CEP70: variants seen among roughly 807,000 people sequenced by gnomAD.
CEP70 encodes the protein centrosomal protein 70.
A neutral mutation model predicts 90.9 loss-of-function variants in CEP70; 70 were observed. The observed-to-expected ratio is 0.77, with a 90% CI of 0.64 to 0.94. CEP70 has a LOEUF of 0.94. CEP70 is among the 40% of genes least tolerant of loss of function. The pLI is 0.00. For synonymous variants in CEP70, 220 were observed against 228.3 expected (o/e 0.96, Z 0.33); for missense variants, 648 against 669.0 (o/e 0.97, Z 0.35).
rs2037599692 is a variant in CEP70 at position 138,529,364 on chromosome 3, A to G, written c.780+11T>C. The G allele has an allele frequency of 1.3e-6, 2 of 1,586,126 alleles. No individual in the cohort carries two copies. The highest frequency in any genetic ancestry group is 4.5e-5 in the East Asian group (2 of 44,734). On this transcript the variant is annotated intron_variant, in intron 9 of 17. Transcript: ENST00000264982. The stretch of plus-strand genomic sequence containing the variant: ...ATTAAAAAGTATTTATTAGTTATGC[A>G]GTCCCCATACCATTAAAAGGCCTTT...
intron 11 of CEP70, among the ~76,000 whole-genome samples, chr3:138,519,053 G>A (rs949836694): frequency 6.6e-6 from 1 of 152,274 alleles, no homozygotes; most frequent in East Asian, 1.9e-4. Flanking sequence ...CTCAGTAGCC[G>A]ATTCGATCAA....
At chr3:138,577,762 T>C (rs778129626) in intron 2 of CEP70, among the ~76,000 whole-genome samples, 2 of 152,026 alleles carry the variant, frequency 1.3e-5, no homozygotes, top group East Asian at 1.9e-4. Context: ...TAAATCCATA[T>C]CAGTAATTAC....
chr3:138,574,632 T>G (rs1408725936), intron 2 of CEP70, among the ~76,000 whole-genome samples: 1 of 152,194 alleles, frequency 6.6e-6, no homozygotes, highest in Non-Finnish European at 1.5e-5. Flanking sequence ...ACGGACAGAC[T>G]GCCTACTCAA....
At chr3:138,567,549 A>G (rs2040875742) in intron 6 of CEP70, among the ~76,000 whole-genome samples, 1 of 152,116 alleles carries the variant, frequency 6.6e-6, no homozygotes. Context: ...TCCAGTGACA[A>G]CCCTGGATCC....
intron 6 of CEP70, among the ~76,000 whole-genome samples, chr3:138,562,280 T>G (rs2040465431): frequency 6.6e-6 from 1 of 152,152 alleles, no homozygotes; most frequent in South Asian, 2.1e-4. Flanking sequence ...GAAAACACTC[T>G]TTAGGATACT....
chr3:138,520,080 CAAAG>C (rs1176395264), intron 11 of CEP70, among the ~76,000 whole-genome samples: 6 of 152,084 alleles, frequency 3.9e-5, no homozygotes, highest in African/African-American at 1.2e-4. Context: ...TCAAAAGAGA[CAAAG>C]AAGGCCATTA....
rs7626645 is a variant in CEP70, at chr3:138,546,259, C to T, written c.466-8912G>A. On this transcript the variant is annotated intron_variant, in intron 6 of 17. Transcript: ENST00000264982. ...AGAACCTACGTTGAAATACTGGGGG[C>T]GGGTTCCCCCAGCAGAAAATATGTA... Among the ~76,000 whole-genome samples the T allele has an allele frequency of 5.7e-3, 865 of 152,170 alleles. 7 individuals carry two copies. The highest frequency in any genetic ancestry group is 0.02 in the African/African-American group (828 of 41,526).
At chr3:138,574,538 G>A (rs564016723) in intron 2 of CEP70, among the ~76,000 whole-genome samples, 4 of 152,250 alleles carry the variant, frequency 2.6e-5, no homozygotes, top group South Asian at 2.1e-4. Context: ...AAAGGCAGCA[G>A]AAACTTCTGC....
chr3:138,544,240 A>C (rs1287083404), intron 6 of CEP70, among the ~76,000 whole-genome samples: 1 of 152,116 alleles, frequency 6.6e-6, no homozygotes, highest in Non-Finnish European at 1.5e-5. Flanking sequence ...AAAAGCAAAA[A>C]ATTAAAACAA....
Position 138,591,777 on chromosome 3 carries a change from A to T in CEP70, c.-6+77T>A, listed in dbSNP as rs904225897. 2.7e-6 allele frequency: 3 copies of T among 1,109,694 alleles called. No homozygotes were observed. The African/African-American group carries it at 4.7e-5, about 17-fold the overall frequency. 68.7% of individuals were successfully genotyped at this position (1,109,694 alleles called of 1,614,324 possible). ...AAAAGGAAATATATGTAATGAACCTAGTATAGTACTCAATAAATATTAGAT... is the reference window on the plus strand; with the variant it reads ...AAAAGGAAATATATGTAATGAACCTTGTATAGTACTCAATAAATATTAGAT... On this transcript the variant is annotated intron_variant, in intron 2 of 17. Transcript: ENST00000264982.
chr3:138,568,497 ACCTTTACAG>A (rs1183865721), intron 6 of CEP70, among the ~76,000 whole-genome samples: 1 of 152,150 alleles, frequency 6.6e-6, no homozygotes, highest in Non-Finnish European at 1.5e-5. Context: ...CTGGCACAGC[ACCTTTACAG>A]CTTCTGATGG....
At chr3:138,544,589 G>A (rs904110956) in intron 6 of CEP70, among the ~76,000 whole-genome samples, 4 of 151,870 alleles carry the variant, frequency 2.6e-5, no homozygotes, top group African/African-American at 9.7e-5. Context: ...TAAACATATT[G>A]AAGAGGTATC....
chr3:138,581,831 C>T (rs1377838844), intron 2 of CEP70, among the ~76,000 whole-genome samples: 1 of 151,782 alleles, frequency 6.6e-6, no homozygotes, highest in Non-Finnish European at 1.5e-5. Flanking sequence ...GAAAACTAAG[C>T]CGATTTAACC....
intron 6 of CEP70, among the ~76,000 whole-genome samples, chr3:138,545,804 G>C (rs1359570041): frequency 6.6e-6 from 1 of 152,074 alleles, no homozygotes; most frequent in African/African-American, 2.4e-5. Context: ...ATACACCCTG[G>C]TCTCCTGCAG....
At chr3:138,557,638 A>G (rs1268579692) in intron 6 of CEP70, among the ~76,000 whole-genome samples, 1 of 152,158 alleles carries the variant, frequency 6.6e-6, no homozygotes, top group Non-Finnish European at 1.5e-5. Context: ...GAATGATACA[A>G]TGGACTTTGG....
chr3:138,518,359 G>T (rs546448336), intron 11 of CEP70, among the ~76,000 whole-genome samples: 1 of 152,220 alleles, frequency 6.6e-6, no homozygotes, highest in Non-Finnish European at 1.5e-5. Context: ...CGCAGCTGGA[G>T]ATCTGAGAAC....
rs138711559 is a variant in CEP70, at chr3:138,570,406, A to T, written c.377T>A (p.Ile126Asn). 3.1e-6 allele frequency: 5 copies of T among 1,609,136 alleles called. No homozygotes were observed. The South Asian group carries it at 3.3e-5, about 11-fold the overall frequency. Reference sequence around the variant, plus strand: ...TAGTGATTCATCCTCCAATTCACCAATTTTGGATTTCACACTTTCCATAAT... The same window carrying T: ...TAGTGATTCATCCTCCAATTCACCATTTTTGGATTTCACACTTTCCATAAT... Reference protein sequence around the residue: ...EQIMESVKSKIGELEDESLSR... With the variant: ...EQIMESVKSKNGELEDESLSR... Residue 126 changes from isoleucine (I) to asparagine (N), a missense_variant, in exon 6 of 18, where the codon ATT becomes AAT. By Grantham distance (149) the Ile-to-Asn change is moderately radical. Transcript: ENST00000264982.
intron 2 of CEP70, 21 bp downstream of exon 2, chr3:138,591,830 AGTC>A (rs1361365369): frequency 6.5e-7 from 1 of 1,529,612 alleles, no homozygotes; most frequent in Non-Finnish European, 8.8e-7. Flanking sequence ...CAACATCTGG[AGTC>A]ATCCGTTACA....
intron 17 of CEP70, chr3:138,497,310 T>C (rs2034034932): frequency 8.0e-7 from 1 of 1,257,376 alleles, no homozygotes; most frequent in South Asian, 1.3e-5. Context: ...TCTCCTCTTC[T>C]AAAAGCAAAG....
Sources: allele counts gnomAD v4.1 joint callset (sites outside exome capture counted in the v4.1 genomes callset), GRCh38; gene constraint gnomAD v4.1.1; transcripts MANE v1.5; gene names NCBI Gene and HGNC (gene_info 2026-07-23, HGNC 2026-07-21).